Variants in CCDC192 observed in about 807,000 individuals in gnomAD.
The protein encoded by CCDC192 is coiled-coil domain containing 192.
At chr5:127,872,534 AC>A (rs1416018893) in intron 5 of CCDC192, among the ~76,000 whole-genome samples, 1 of 152,126 alleles carries the variant, frequency 6.6e-6, no homozygotes, top group African/African-American at 2.4e-5. Context: ...ACTTCCAGTG[AC>A]CTCTCAACCC....
At chr5:127,728,822 C>T (rs554293628) in intron 2 of CCDC192, among the ~76,000 whole-genome samples, 21 of 152,162 alleles carry the variant, frequency 1.4e-4, no homozygotes, top group Non-Finnish European at 3.1e-4. Flanking sequence ...CAAAGACACA[C>T]ATAGGCTCAA....
rs116774248 is a variant in CCDC192, at chr5:127,746,805, G to A, written c.115-7463G>A. The stretch of plus-strand genomic sequence containing the variant: ...ACTGTGGAGCCAGGCTGTTGGTGAC[G>A]TAGCAATATTTTTTTGCCCCTCCTC... On this transcript the variant is annotated intron_variant, in intron 2 of 6. Coordinates refer to ENST00000514853, the MANE Select transcript of CCDC192 (RefSeq NM_001317938.2). Among the ~76,000 whole-genome samples the A allele has an allele frequency of 8.2e-3, 1,249 of 152,136 alleles. 13 individuals carry two copies. Among genetic ancestry groups the A allele is most frequent in the African/African-American group, 0.028 (1,165 of 41,504 alleles).
chr5:127,768,513 A>C (rs1046998586), intron 3 of CCDC192, among the ~76,000 whole-genome samples: 1 of 152,160 alleles, frequency 6.6e-6, no homozygotes, highest in Non-Finnish European at 1.5e-5. Flanking sequence ...ATCCCTGCTG[A>C]CACTTTGATC....
At chr5:127,844,975 T>A (rs894963387) in intron 5 of CCDC192, among the ~76,000 whole-genome samples, 1 of 152,190 alleles carries the variant, frequency 6.6e-6, no homozygotes, top group Non-Finnish European at 1.5e-5. Flanking sequence ...CACCCTTCTC[T>A]TTGTGGTTCT....
intron 3 of CCDC192, among the ~76,000 whole-genome samples, chr5:127,793,816 A>G (rs560514920): frequency 2.7e-4 from 41 of 152,192 alleles, no homozygotes; most frequent in Admixed American, 7.9e-4. Flanking sequence ...GGTCAAGAGC[A>G]TGGAATCTTA....
At chr5:127,858,030 T>C (rs930525862) in intron 5 of CCDC192, among the ~76,000 whole-genome samples, 1 of 152,214 alleles carries the variant, frequency 6.6e-6, no homozygotes, top group Admixed American at 6.5e-5. Context: ...TTTGCTTATA[T>C]GTATAATGGG....
chr5:127,872,841 C>T (rs1325866792), intron 5 of CCDC192, among the ~76,000 whole-genome samples: 1 of 152,128 alleles, frequency 6.6e-6, no homozygotes, highest in Non-Finnish European at 1.5e-5. Context: ...GTAATGTCTT[C>T]TCCAAACTAA....
intron 5 of CCDC192, among the ~76,000 whole-genome samples, chr5:127,842,549 C>T (rs1029414613): frequency 6.6e-6 from 1 of 152,210 alleles, no homozygotes; most frequent in Admixed American, 6.5e-5. Context: ...ACAAAAGGTA[C>T]CTGGACTTTT....
intron 6 of CCDC192, among the ~76,000 whole-genome samples, chr5:127,879,622 A>G (rs1416812334): frequency 9.2e-5 from 5 of 54,484 alleles, no homozygotes; most frequent in Non-Finnish European, 1.9e-4. Flanking sequence ...CTGCACAGCA[A>G]AAGAAACTAC....
intron 2 of CCDC192, among the ~76,000 whole-genome samples, chr5:127,709,233 G>C (rs904578497): frequency 2.3e-5 from 2 of 86,142 alleles, no homozygotes; most frequent in Non-Finnish European, 5.0e-5. Context: ...GAGAGAGAGA[G>C]AGAGAGAGAG....
intron 6 of CCDC192, among the ~76,000 whole-genome samples, chr5:127,923,668 C>T (rs1045700991): frequency 3.9e-5 from 6 of 152,138 alleles, no homozygotes; most frequent in East Asian, 1.9e-4. Flanking sequence ...TGAGCCTCCG[C>T]GCCCGGCCTT....
At position 127,709,118 on chromosome 5, in the gene CCDC192, A is replaced by G. The variant is rs72798019; in HGVS notation, c.114+1358A>G. On this transcript the variant is annotated intron_variant, in intron 2 of 6. Coordinates refer to ENST00000514853, the MANE Select transcript of CCDC192 (RefSeq NM_001317938.2). ...GTGGGAGCAGGAGAGAGAGAGAGAG[A>G]GAGAGGGAGAGGGAGAGGGAGGAGA... is the stretch of plus-strand genomic sequence containing the variant. Among the ~76,000 whole-genome samples the G allele has an allele frequency of 1.6e-3, 207 of 125,910 alleles. 3 individuals are homozygous for G. Among genetic ancestry groups the G allele is most frequent in the African/African-American group, 5.0e-3 (164 of 32,916 alleles). 82.6% of individuals were successfully genotyped at this position (125,910 alleles called of 152,430 possible).
At chr5:127,744,519 A>T (rs745340006) in intron 2 of CCDC192, among the ~76,000 whole-genome samples, 1 of 152,216 alleles carries the variant, frequency 6.6e-6, no homozygotes, top group African/African-American at 2.4e-5. Flanking sequence ...GAGAAACTGA[A>T]TTCTCCAAAA....
chr5:127,927,303 T>G (rs1252673947), intron 6 of CCDC192, among the ~76,000 whole-genome samples: 2 of 152,204 alleles, frequency 1.3e-5, no homozygotes, highest in African/African-American at 4.8e-5. Flanking sequence ...ATTAGTTATT[T>G]TTGTTAATCT....
chr5:127,709,442 A>T (rs1183423028), intron 2 of CCDC192, among the ~76,000 whole-genome samples: 1 of 152,142 alleles, frequency 6.6e-6, no homozygotes, highest in East Asian at 1.9e-4. Context: ...AGGGACACAG[A>T]TCCAAACCTT....
intron 6 of CCDC192, among the ~76,000 whole-genome samples, chr5:127,912,700 T>C (rs569773769): frequency 1.3e-5 from 2 of 152,338 alleles, no homozygotes; most frequent in South Asian, 4.1e-4. Context: ...GGAGGAACTC[T>C]TCACTCTCTG....
chr5:127,836,532 C>G (rs950609842), intron 5 of CCDC192, among the ~76,000 whole-genome samples: 1 of 152,230 alleles, frequency 6.6e-6, no homozygotes, highest in Non-Finnish European at 1.5e-5. Flanking sequence ...TCCACAAGGA[C>G]TTCACCCCTG....
At chr5:127,907,139 A>G (rs1753219699) in intron 6 of CCDC192, among the ~76,000 whole-genome samples, 1 of 152,118 alleles carries the variant, frequency 6.6e-6, no homozygotes, top group Non-Finnish European at 1.5e-5. Context: ...AAGCTCTACC[A>G]CTACCTTGTT....
intron 5 of CCDC192, among the ~76,000 whole-genome samples, chr5:127,804,898 CA>C (rs1247303101): frequency 6.6e-6 from 1 of 152,214 alleles, no homozygotes; most frequent in Non-Finnish European, 1.5e-5. Flanking sequence ...CTGACCAGGA[CA>C]TTGTCCCCGA....
Sources: allele counts gnomAD v4.1 joint callset (sites outside exome capture counted in the v4.1 genomes callset), GRCh38; gene constraint gnomAD v4.1.1; transcripts MANE v1.5; gene names NCBI Gene and HGNC (gene_info 2026-07-23, HGNC 2026-07-21).